NRXN1: variants seen among roughly 807,000 people sequenced by gnomAD.
NRXN1 encodes neurexin 1, also known as neurexin-1.
A neutral mutation model predicts 150.9 loss-of-function variants in NRXN1; 39 were observed. The observed-to-expected ratio is 0.26, with a 90% CI of 0.20 to 0.34. The LOEUF (loss-of-function observed/expected upper bound fraction) is 0.34, where lower values mean the gene tolerates loss of function less well. Among genes scored for constraint, NRXN1 ranks in the 10% least tolerant of loss-of-function variants. The pLI is 1.00. For missense variants in NRXN1, 1,815 were observed against 1,949.9 expected (o/e 0.93, Z 1.30); for synonymous variants, 924 against 757.0 (o/e 1.22, Z -3.62).
At chr2:50,657,399 A>C (rs1029125108) in intron 5 of NRXN1, among the ~76,000 whole-genome samples, 11 of 152,034 alleles carry the variant, frequency 7.2e-5, no homozygotes, top group Admixed American at 2.6e-4. Flanking sequence ...ATAAAACTTA[A>C]CTACTGAGTA....
chr2:50,460,620 A>C (rs1221468056), intron 17 of NRXN1, among the ~76,000 whole-genome samples: 1 of 152,076 alleles, frequency 6.6e-6, no homozygotes, highest in African/African-American at 2.4e-5. Flanking sequence ...TTTACGTAAA[A>C]TAGTAGCAGA....
chr2:50,971,440 T>A (rs984397264), intron 2 of NRXN1, among the ~76,000 whole-genome samples: 5 of 151,642 alleles, frequency 3.3e-5, no homozygotes, highest in African/African-American at 1.2e-4. Flanking sequence ...AAAATTAGCC[T>A]GGTGTGCTGG....
In NRXN1 at chr2:51,017,503, C is replaced by CTTTTTTTTTTTTTTTTTTT. The variant is rs70958638; in HGVS notation, c.772+9980_772+9998dup. Reference sequence around the variant, plus strand: ...ATACACGTATGGCCACCACATCTGGCTTTTTTTTTTTTTTTTTTTTTTTTT... The same window carrying CTTTTTTTTTTTTTTTTTTT: ...ATACACGTATGGCCACCACATCTGGCTTTTTTTTTTTTTTTTTTTTTTTTTTTTTTTTTTTTTTTTTTTT... On this transcript the variant is annotated intron_variant, in intron 2 of 22. Coordinates refer to ENST00000401669, the MANE Select transcript of NRXN1 (RefSeq NM_001330078.2). Among the ~76,000 whole-genome samples the CTTTTTTTTTTTTTTTTTTT allele has an allele frequency of 4.5e-5, 2 of 44,302 alleles. 1 individual carries two copies. 29.1% of individuals were successfully genotyped at this position (44,302 alleles called of 152,430 possible).
chr2:50,445,344 A>T (rs926259235), intron 17 of NRXN1, among the ~76,000 whole-genome samples: 6 of 152,224 alleles, frequency 3.9e-5, no homozygotes, highest in Admixed American at 2.6e-4. Flanking sequence ...TGAATCTCTC[A>T]GTGCATATAC....
chr2:50,347,408 T>A lies in NRXN1; in HGVS notation c.3365-110438A>T. On this transcript the variant is annotated intron_variant, in intron 17 of 22. Coordinates refer to ENST00000401669, the MANE Select transcript of NRXN1 (RefSeq NM_001330078.2). The surrounding 1 kb of genome is among the most constrained non-coding windows in gnomAD (Gnocchi z 4.9). Reference sequence around the variant, plus strand: ...ATCCACTAGGTAAATCCATTTAGCTTTGTGTGCGGGGACTAGGGAGGCCAC... The same window carrying A: ...ATCCACTAGGTAAATCCATTTAGCTATGTGTGCGGGGACTAGGGAGGCCAC... 8.6e-7 allele frequency: 1 copy of A among 1,168,792 alleles called. No individual in the cohort carries two copies. The allele number at this position is 1,168,792 out of a possible 1,614,324, so 72.4% of individuals were successfully genotyped here.
intron 17 of NRXN1, chr2:50,464,543 G>C (rs1485538815): frequency 6.6e-6 from 1 of 151,856 alleles, no homozygotes; most frequent in Non-Finnish European, 1.5e-5. Context: ...TTCAAATTCA[G>C]CCTCTGCTAC....
intron 5 of NRXN1, among the ~76,000 whole-genome samples, chr2:50,914,562 G>C (rs2104158237): frequency 6.6e-6 from 1 of 151,756 alleles, no homozygotes; most frequent in Admixed American, 6.6e-5. Context: ...TTGACCATCA[G>C]TGGTTGTGAA....
At chr2:50,082,354 T>C (rs986363019) in intron 19 of NRXN1, among the ~76,000 whole-genome samples, 1 of 152,202 alleles carries the variant, frequency 6.6e-6, no homozygotes, top group African/African-American at 2.4e-5. Flanking sequence ...CCCTTCATTA[T>C]GATAAGAACT....
chr2:50,478,004 G>A (rs965942250), intron 15 of NRXN1, among the ~76,000 whole-genome samples: 4 of 152,220 alleles, frequency 2.6e-5, no homozygotes, highest in African/African-American at 9.6e-5. Flanking sequence ...GCCTTTCGGG[G>A]AACAATCAAC....
intron 17 of NRXN1, among the ~76,000 whole-genome samples, chr2:50,369,554 G>A (rs559030592): frequency 2.3e-4 from 35 of 152,022 alleles, no homozygotes; most frequent in African/African-American, 8.2e-4. Flanking sequence ...TGGTAGAATC[G>A]ATGGACAGCT....
chr2:50,145,346 G>A (rs1052409784), intron 18 of NRXN1, among the ~76,000 whole-genome samples: 1 of 151,384 alleles, frequency 6.6e-6, no homozygotes, highest in Non-Finnish European at 1.5e-5. Context: ...CCATTTGATG[G>A]TGAATTACAT....
intron 18 of NRXN1, among the ~76,000 whole-genome samples, chr2:50,126,100 C>A (rs1204922718): frequency 6.6e-6 from 1 of 152,082 alleles, no homozygotes; most frequent in East Asian, 1.9e-4. Context: ...CATTTTGGCA[C>A]CAGGACTGAA....
At chr2:50,489,622 A>C (rs555816644) in intron 15 of NRXN1, among the ~76,000 whole-genome samples, 1 of 152,160 alleles carries the variant, frequency 6.6e-6, no homozygotes, top group Non-Finnish European at 1.5e-5. Context: ...TATACTTCCT[A>C]AGTTCACGTG....
At chr2:50,070,142 G>C (rs1055680123) in intron 19 of NRXN1, among the ~76,000 whole-genome samples, 23 of 151,988 alleles carry the variant, frequency 1.5e-4, no homozygotes, top group African/African-American at 5.6e-4. Context: ...GAGCCACTGC[G>C]CCTGGCCGAG....
At chr2:50,931,971 C>T (rs1687812783) in intron 2 of NRXN1, among the ~76,000 whole-genome samples, 1 of 151,954 alleles carries the variant, frequency 6.6e-6, no homozygotes, top group African/African-American at 2.4e-5. Context: ...AAGCAATTCT[C>T]CTGCCTCAGC....
intron 21 of NRXN1, among the ~76,000 whole-genome samples, chr2:50,048,620 C>T (rs987696761): frequency 6.6e-6 from 1 of 152,124 alleles, no homozygotes; most frequent in Admixed American, 6.6e-5. Context: ...CCAATATATT[C>T]AAACATTCTT....
At chr2:49,951,827 A>C (rs892341884) in intron 21 of NRXN1, among the ~76,000 whole-genome samples, 7 of 151,990 alleles carry the variant, frequency 4.6e-5, no homozygotes, top group African/African-American at 1.4e-4. Flanking sequence ...AATTAGTCAC[A>C]CACATTGAAA....
chr2:50,328,501 C>T (rs1482316303), intron 17 of NRXN1, among the ~76,000 whole-genome samples: 1 of 152,054 alleles, frequency 6.6e-6, no homozygotes, highest in Non-Finnish European at 1.5e-5. Context: ...CTTTGGGAGG[C>T]CGAAGTGGGT....
At chr2:50,546,236 T>G (rs891028758) in intron 9 of NRXN1, among the ~76,000 whole-genome samples, 10 of 152,188 alleles carry the variant, frequency 6.6e-5, no homozygotes, top group Non-Finnish European at 1.2e-4. Flanking sequence ...CTGGGAAGGC[T>G]TGACACCCTT....
Sources: gnomAD v4.1 joint callset for allele counts (sites outside exome capture counted in the v4.1 genomes callset) on GRCh38, gnomAD v4.1.1 for gene constraint, Gnocchi (gnomAD v3.1) non-coding constraint, MANE v1.5 for transcripts, NCBI Gene and HGNC (gene_info 2026-07-23, HGNC 2026-07-21) for gene names.